The following DNM3 variants were observed in gnomAD, a reference collection of about 807,000 sequenced individuals.
DNM3 encodes dynamin-3.
Under a neutral mutation model 101.6 loss-of-function variants are expected in DNM3, and 47 were observed. The observed-to-expected ratio is 0.46, with a 90% CI of 0.37 to 0.59. DNM3 has a LOEUF of 0.59. DNM3 is among the 20% of genes least tolerant of loss of function. DNM3 has a pLI of 0.00. For synonymous variants in DNM3, 385 were observed against 387.9 expected, an observed-to-expected ratio of 0.99 and a Z score of 0.09; for missense variants, 849 against 1,085.7, an observed-to-expected ratio of 0.78 and a Z score of 3.06.
At chr1:172,304,954 A>C (rs60866522) in intron 15 of DNM3, among the ~76,000 whole-genome samples, 36,967 of 151,966 alleles carry the variant, frequency 0.24, 4,696 homozygotes, top group African/African-American at 0.32. Flanking sequence ...TTGACACCCT[A>C]ACATCACAAT....
At chr1:171,860,096 G>T (rs529513523) in intron 1 of DNM3, among the ~76,000 whole-genome samples, 1 of 152,122 alleles carries the variant, frequency 6.6e-6, no homozygotes, top group African/African-American at 2.4e-5. Context: ...GGTTAGTTAT[G>T]TAATCTGATT....
chr1:172,253,052 T>A (rs531867783), intron 14 of DNM3, among the ~76,000 whole-genome samples: 1 of 152,280 alleles, frequency 6.6e-6, no homozygotes, highest in South Asian at 2.1e-4. Flanking sequence ...TGGGGTCCTG[T>A]GCTTCCACTC....
At chr1:172,186,665 C>A (rs1171117443) in intron 14 of DNM3, among the ~76,000 whole-genome samples, 1 of 152,022 alleles carries the variant, frequency 6.6e-6, no homozygotes, top group Non-Finnish European at 1.5e-5. Context: ...GATGGTCAGC[C>A]CCCTCTCACT....
chr1:172,314,218 G>C (rs563853476), intron 16 of DNM3, among the ~76,000 whole-genome samples: 2 of 152,172 alleles, frequency 1.3e-5, no homozygotes, highest in South Asian at 4.1e-4. Context: ...GCCCATCAAC[G>C]ATAGACTGGA....
chr1:172,163,964 C>T (rs1352588408), intron 14 of DNM3, among the ~76,000 whole-genome samples: 26 of 86,230 alleles, frequency 3.0e-4, no homozygotes, highest in African/African-American at 8.7e-4. Context: ...TATACACACA[C>T]ACACACACAC....
chr1:171,956,192 T>G (rs1364664830), intron 2 of DNM3, among the ~76,000 whole-genome samples: 1 of 152,118 alleles, frequency 6.6e-6, no homozygotes, highest in African/African-American at 2.4e-5. Flanking sequence ...ATGTCAGCAT[T>G]AACTCAAAAG....
At chr1:171,866,462 C>T (rs906803141) in intron 1 of DNM3, among the ~76,000 whole-genome samples, 1 of 151,848 alleles carries the variant, frequency 6.6e-6, no homozygotes, top group African/African-American at 2.4e-5. Flanking sequence ...TCTATTCCTC[C>T]CATTTCAGTT....
In DNM3 at chr1:172,044,954, G is replaced by A. The variant is rs188624240; in HGVS notation, c.1196+502G>A. Among the ~76,000 whole-genome samples, 30 of 152,268 alleles carry A rather than the reference G, an allele frequency of 2.0e-4. No homozygotes were observed. In the East Asian group the frequency reaches 5.2e-3, roughly 27 times the overall value. ...GCACATGTGGGAGCGTGCATATGAA[G>A]TGGGCAGCAGTGTGATGAGACAGGA... On this transcript the variant is annotated intron_variant, in intron 9 of 20. Transcript: ENST00000627582.
chr1:171,933,471 C>G (rs750669595), intron 2 of DNM3, among the ~76,000 whole-genome samples: 3 of 152,146 alleles, frequency 2.0e-5, no homozygotes, highest in Non-Finnish European at 4.4e-5. Context: ...ATGAACAAAA[C>G]AAATACACAG....
intron 2 of DNM3, among the ~76,000 whole-genome samples, chr1:171,979,473 A>G (rs2044623429): frequency 6.6e-6 from 1 of 152,206 alleles, no homozygotes; most frequent in Admixed American, 6.5e-5. Context: ...GAAATAAACT[A>G]TGAGTATAAA....
intron 14 of DNM3, among the ~76,000 whole-genome samples, chr1:172,149,421 A>T (rs566958932): frequency 3.0e-4 from 45 of 152,300 alleles, no homozygotes; most frequent in African/African-American, 1.1e-3. Context: ...TTATGACTCC[A>T]ATAAAATTGG....
intron 1 of DNM3, among the ~76,000 whole-genome samples, chr1:171,850,732 T>C (rs2032834962): frequency 6.6e-6 from 1 of 152,198 alleles, no homozygotes; most frequent in South Asian, 2.1e-4. Context: ...ATTTGAATTA[T>C]GTACTTTGAA....
At chr1:171,873,888 TC>T (rs1308297196) in intron 1 of DNM3, among the ~76,000 whole-genome samples, 1 of 152,208 alleles carries the variant, frequency 6.6e-6, no homozygotes, top group African/African-American at 2.4e-5. Context: ...TTAGCTCTAA[TC>T]CAAACCAGAA....
At chr1:172,168,903 T>G (rs563989475) in intron 14 of DNM3, among the ~76,000 whole-genome samples, 1 of 152,038 alleles carries the variant, frequency 6.6e-6, no homozygotes, top group East Asian at 1.9e-4. Context: ...GGTAAAAGAT[T>G]ATCAAGAAGG....
intron 15 of DNM3, among the ~76,000 whole-genome samples, chr1:172,294,734 G>A (rs755607501): frequency 9.9e-5 from 15 of 151,838 alleles, no homozygotes; most frequent in Non-Finnish European, 1.5e-4. Context: ...ACAATCTGGC[G>A]AAACCCCATT....
chr1:171,985,541 T>G (rs2045186447), intron 2 of DNM3, among the ~76,000 whole-genome samples: 1 of 152,222 alleles, frequency 6.6e-6, no homozygotes, highest in African/African-American at 2.4e-5. Flanking sequence ...GCTTTACTGT[T>G]GGATATACTT....
intron 11 of DNM3, among the ~76,000 whole-genome samples, chr1:172,076,916 C>T (rs1359021593): frequency 1.3e-5 from 2 of 152,074 alleles, no homozygotes; most frequent in African/African-American, 4.8e-5. Flanking sequence ...GTACCTATCA[C>T]AGAATTCAGC....
downstream of DNM3, among the ~76,000 whole-genome samples, chr1:172,415,821 C>T (rs911117344): frequency 7.9e-5 from 12 of 152,086 alleles, no homozygotes; most frequent in Non-Finnish European, 1.6e-4. Flanking sequence ...TGAGCCACTG[C>T]ACCTGGCCTT....
At chr1:172,378,303 G>C (rs2068717662) in intron 17 of DNM3, 1 of 152,042 alleles carries the variant, frequency 6.6e-6, no homozygotes, top group African/African-American at 2.4e-5. Flanking sequence ...TCATAGTATA[G>C]GAAACAGATG....
Sources: allele counts gnomAD v4.1 joint callset (sites outside exome capture counted in the v4.1 genomes callset), GRCh38; gene constraint gnomAD v4.1.1; transcripts MANE v1.5; gene names NCBI Gene and HGNC (gene_info 2026-07-23, HGNC 2026-07-21).